IQSEC1: variants seen among roughly 807,000 people sequenced by gnomAD.
The protein encoded by IQSEC1 is IQ motif and Sec7 domain ArfGEF 1, also known as IQ motif and SEC7 domain-containing protein 1.
IQSEC1 carries 31 observed loss-of-function variants against 91.0 expected under a neutral mutation model. The observed-to-expected ratio is 0.34, with a 90% CI of 0.26 to 0.46. The LOEUF (loss-of-function observed/expected upper bound fraction) is 0.46. Ranked by LOEUF, IQSEC1 falls within the 20% of genes least tolerant of loss-of-function variation. The pLI, the probability that IQSEC1 is intolerant of heterozygous loss-of-function variation, is 1.00. For synonymous variants in IQSEC1, 699 were observed against 662.6 expected, an observed-to-expected ratio of 1.05 and a Z score of -0.84; for missense variants, 1,388 against 1,575.6, an observed-to-expected ratio of 0.88 and a Z score of 2.02.
At chr3:13,101,930 C>G (rs1706071499) in intron 2 of IQSEC1, among the ~76,000 whole-genome samples, 1 of 137,214 alleles carries the variant, frequency 7.3e-6, no homozygotes, top group African/African-American at 2.6e-5. Flanking sequence ...GAAACTGACT[C>G]TGGCCTTGCA....
intron 10 of IQSEC1, among the ~76,000 whole-genome samples, chr3:12,911,041 C>A (rs1235954421): frequency 6.6e-6 from 1 of 152,210 alleles, no homozygotes; most frequent in Non-Finnish European, 1.5e-5. Context: ...ACTCCCAGGT[C>A]CCCAGGCCTC....
intron 2 of IQSEC1, among the ~76,000 whole-genome samples, chr3:13,147,202 C>T (rs373709779): frequency 2.0e-5 from 3 of 152,072 alleles, no homozygotes; most frequent in Non-Finnish European, 4.4e-5. Context: ...GGTGTACAAG[C>T]GGTTTTTGGT....
Position 12,922,108 on chromosome 3 carries a change from C to G in IQSEC1, c.1853+12G>C. 6.4e-7 allele frequency: 1 copy of G among 1,573,688 alleles called. No individual in the cohort carries two copies. The highest frequency in any genetic ancestry group is 8.7e-7 in the Non-Finnish European group (1 of 1,154,342). ...TCCCTGATGCAGCAGCCCCAGCCAG[C>G]CCGGGCCCCACCTGAACGCCTCTAT... On this transcript the variant is annotated intron_variant, in intron 5 of 13. Coordinates refer to ENST00000613206, the MANE Select transcript of IQSEC1 (RefSeq NM_001134382.3). This position sits in a 1 kb window ranked among gnomAD's most constrained non-coding sequence, Gnocchi z 5.1.
intron 1 of IQSEC1, among the ~76,000 whole-genome samples, chr3:12,990,712 G>A (rs1181599416): frequency 6.6e-6 from 1 of 152,130 alleles, no homozygotes; most frequent in Non-Finnish European, 1.5e-5. Flanking sequence ...TGGGGCTCTG[G>A]GGCAACCGAG....
chr3:13,127,445 A>AC lies in IQSEC1; in HGVS notation c.302+36658_302+36659insG, dbSNP rs200629889. Among the ~76,000 whole-genome samples, 110 of 132,506 alleles carry AC rather than the reference A, an allele frequency of 8.3e-4. 2 individuals carry two copies. The highest frequency in any genetic ancestry group is 2.3e-3 in the African/African-American group (79 of 34,974). 86.9% of individuals were successfully genotyped at this position (132,506 alleles called of 152,430 possible). A position where few individuals can be genotyped will look rare whatever the true frequency, so the allele number is the denominator to read the frequency against. ...CAACAACAAAAAAACAAACAAACAAAAAAAAAAAAACCAGAGTTCTCTATT... is the reference window on the plus strand; with the variant it reads ...CAACAACAAAAAAACAAACAAACAAACAAAAAAAAAACCAGAGTTCTCTATT... On this transcript the variant is annotated intron_variant, in intron 2 of 15. Coordinates refer to the IQSEC1 transcript ENST00000648114.
At chr3:13,232,655 C>G (rs1694857529) in intron 1 of IQSEC1, among the ~76,000 whole-genome samples, 1 of 152,066 alleles carries the variant, frequency 6.6e-6, no homozygotes, top group South Asian at 2.1e-4. Flanking sequence ...GGAGACAGAG[C>G]CACAGCCTCA....
intron 1 of IQSEC1, among the ~76,000 whole-genome samples, chr3:13,239,884 T>G (rs182087385): frequency 6.6e-6 from 1 of 150,824 alleles, no homozygotes; most frequent in Admixed American, 6.6e-5. Context: ...GGGTGGGGAG[T>G]GAGGAGTTAG....
intron 1 of IQSEC1, among the ~76,000 whole-genome samples, chr3:13,030,690 C>T (rs1482041053): frequency 2.0e-5 from 3 of 152,364 alleles, no homozygotes; most frequent in Admixed American, 6.5e-5. Flanking sequence ...AGGATGCTTA[C>T]GAGACACGTG....
intron 1 of IQSEC1, among the ~76,000 whole-genome samples, chr3:12,943,845 C>A (rs1698981584): frequency 6.6e-6 from 1 of 152,242 alleles, no homozygotes; most frequent in Non-Finnish European, 1.5e-5. Context: ...CCTTTGCTGC[C>A]AATTCTGCCC....
intron 1 of IQSEC1, among the ~76,000 whole-genome samples, chr3:12,964,299 T>TACACAGACACAC (rs1700423400): frequency 6.7e-6 from 1 of 149,800 alleles, no homozygotes; most frequent in Non-Finnish European, 1.5e-5. Flanking sequence ...ATACTCCCCC[T>TACACAGACACAC]ACACACACAC....
intron 1 of IQSEC1, among the ~76,000 whole-genome samples, chr3:13,271,324 C>A (rs139258041): frequency 4.3e-4 from 66 of 152,128 alleles, no homozygotes; most frequent in Admixed American, 7.2e-4. Flanking sequence ...TTGCAGTGAG[C>A]CGAGATGGCA....
intron 1 of IQSEC1, among the ~76,000 whole-genome samples, chr3:13,042,903 C>T (rs1425672487): frequency 6.6e-6 from 1 of 152,208 alleles, no homozygotes; most frequent in African/African-American, 2.4e-5. Flanking sequence ...CAGGCAAACA[C>T]TGGCCTCTTT....
chr3:13,143,764 A>C (rs549423085), intron 2 of IQSEC1, among the ~76,000 whole-genome samples: 2 of 152,094 alleles, frequency 1.3e-5, no homozygotes, highest in African/African-American at 4.8e-5. Context: ...TGAGCATGAC[A>C]CTCACACTGA....
At chr3:13,166,066 T>C (rs1459144127) in intron 1 of IQSEC1, among the ~76,000 whole-genome samples, 1 of 152,130 alleles carries the variant, frequency 6.6e-6, no homozygotes. Context: ...CTCAGGAAGG[T>C]TTGGGGCACT....
At chr3:12,942,251 C>T (rs567400916) in intron 1 of IQSEC1, among the ~76,000 whole-genome samples, 2 of 152,216 alleles carry the variant, frequency 1.3e-5, no homozygotes, top group East Asian at 1.9e-4. Flanking sequence ...ATTACTGACT[C>T]AGCGAATTCT....
In IQSEC1 at chr3:13,080,271, G is replaced by A. The variant is rs184767355; in HGVS notation, c.303-32749C>T. Among the ~76,000 whole-genome samples the A allele has an allele frequency of 4.3e-4, 66 of 152,310 alleles. 1 individual carries two copies. The South Asian group carries it at 9.7e-3, about 22-fold the overall frequency. The stretch of plus-strand genomic sequence containing the variant: ...GTTGGGATGGTGAGTCTGGAGGGAA[G>A]AGGTGGAGGCCTGCACTGAGGCATG... On this transcript the variant is annotated intron_variant, in intron 2 of 15. Coordinates refer to the IQSEC1 transcript ENST00000648114.
chr3:13,272,023 A>G (rs1477296816), intron 1 of IQSEC1, among the ~76,000 whole-genome samples: 1 of 152,198 alleles, frequency 6.6e-6, no homozygotes, highest in African/African-American at 2.4e-5. Flanking sequence ...TCCAGGATAG[A>G]CTGCATCTCA....
intron 1 of IQSEC1, among the ~76,000 whole-genome samples, chr3:12,985,288 C>T (rs1306244048): frequency 6.6e-6 from 1 of 152,172 alleles, no homozygotes; most frequent in Non-Finnish European, 1.5e-5. Context: ...TGGGCTCCCA[C>T]ACTGAGTCAG....
Position 13,165,535 on chromosome 3 carries a change from GGCGTGT to G in IQSEC1, c.273-1408_273-1403del, listed in dbSNP as rs1453779907. On this transcript the variant is annotated intron_variant, in intron 1 of 15. Transcript: ENST00000648114. ...GCGGGGGGGTGGGGGGTGGGGGGGTGGCGTGTGTGTGTGTGTGTGTGTGTGTGTGTG... is the reference window on the plus strand; with the variant it reads ...GCGGGGGGGTGGGGGGTGGGGGGGTGGTGTGTGTGTGTGTGTGTGTGTGTG... Among the ~76,000 whole-genome samples the G allele has an allele frequency of 4.7e-3, 420 of 89,016 alleles. 15 individuals carry two copies. The highest frequency in any genetic ancestry group is 0.011 in the Middle Eastern group (2 of 180). The allele number at this position is 89,016 out of a possible 152,430, so 58.4% of individuals were successfully genotyped here. A position where few individuals can be genotyped will look rare whatever the true frequency, so the allele number is the denominator to read the frequency against.
Sources: allele counts gnomAD v4.1 joint callset (sites outside exome capture counted in the v4.1 genomes callset), GRCh38; gene constraint gnomAD v4.1.1; non-coding constraint Gnocchi (gnomAD v3.1); transcripts MANE v1.5; gene names NCBI Gene and HGNC (gene_info 2026-07-23, HGNC 2026-07-21).